MCPH1: variants seen among roughly 807,000 people sequenced by gnomAD.
MCPH1 encodes microcephalin.
Under a neutral mutation model 84.5 loss-of-function variants are expected in MCPH1, and 104 were observed. The observed-to-expected ratio is 1.23, with a 90% CI of 1.05 to 1.45. The LOEUF (loss-of-function observed/expected upper bound fraction) is 1.45. MCPH1 is among the 40% of genes most tolerant of loss of function. The pLI is 0.00. For missense variants in MCPH1, 1,498 were observed against 1,005.7 expected (o/e 1.49, Z -6.62); for synonymous variants, 514 against 366.8 (o/e 1.40, Z -4.58).
At chr8:6,592,980 C>G (rs1467067002) in intron 12 of MCPH1, among the ~76,000 whole-genome samples, 1 of 151,362 alleles carries the variant, frequency 6.6e-6, no homozygotes, top group East Asian at 1.9e-4. Flanking sequence ...TCTTGTTTTT[C>G]TCTTCCCCCT....
intron 13 of MCPH1, among the ~76,000 whole-genome samples, chr8:6,638,337 A>G (rs1204821939): frequency 6.6e-6 from 1 of 152,120 alleles, no homozygotes; most frequent in Admixed American, 6.5e-5. Flanking sequence ...AGCAAAGATG[A>G]AGCTCACATG....
intron 9 of MCPH1, among the ~76,000 whole-genome samples, chr8:6,455,464 A>G (rs936396427): frequency 6.6e-6 from 1 of 152,220 alleles, no homozygotes; most frequent in African/African-American, 2.4e-5. Flanking sequence ...AAGCTTTCTC[A>G]TATCACTTTG....
intron 4 of MCPH1, among the ~76,000 whole-genome samples, chr8:6,433,552 G>C (rs945726621): frequency 7.1e-6 from 1 of 140,664 alleles, no homozygotes; most frequent in Non-Finnish European, 1.5e-5. Flanking sequence ...AGAATTGCTT[G>C]AACCCAGGAG....
intron 13 of MCPH1, among the ~76,000 whole-genome samples, chr8:6,633,914 A>G (rs924393232): frequency 5.3e-5 from 8 of 152,272 alleles, no homozygotes; most frequent in African/African-American, 1.7e-4. Context: ...ATGTTTATCA[A>G]TAGCACAAAC....
chr8:6,523,720 G>GT (rs1410834615), intron 12 of MCPH1, among the ~76,000 whole-genome samples: 2 of 152,230 alleles, frequency 1.3e-5, no homozygotes, highest in East Asian at 3.9e-4. Flanking sequence ...CTCCTGAGTA[G>GT]TTAGGATTAC....
At chr8:6,519,820 C>T (rs751765666) in intron 12 of MCPH1, 1 of 1,603,960 alleles carries the variant, frequency 6.2e-7, no homozygotes, top group African/African-American at 1.3e-5. Flanking sequence ...CTAAAGTGGC[C>T]TGCCTAGAGC....
intron 6 of MCPH1, among the ~76,000 whole-genome samples, chr8:6,441,114 G>A (rs1276692984): frequency 6.6e-6 from 1 of 152,200 alleles, no homozygotes; most frequent in Non-Finnish European, 1.5e-5. Flanking sequence ...TTGCAAGCAA[G>A]ACTGAAATGT....
At chr8:6,589,996 C>T (rs561051008) in intron 12 of MCPH1, among the ~76,000 whole-genome samples, 2 of 152,240 alleles carry the variant, frequency 1.3e-5, no homozygotes, top group East Asian at 3.9e-4. Flanking sequence ...GGCACTGTCC[C>T]CGAAACGATC....
At chr8:6,569,822 A>G (rs80143198) in intron 12 of MCPH1, among the ~76,000 whole-genome samples, 7,393 of 152,302 alleles carry the variant, frequency 0.049, 259 homozygotes, top group East Asian at 0.12. Flanking sequence ...ACAAACACAC[A>G]TCCCGAGTGA....
intron 12 of MCPH1, among the ~76,000 whole-genome samples, chr8:6,524,008 T>C (rs975143465): frequency 2.0e-5 from 3 of 152,178 alleles, no homozygotes; most frequent in African/African-American, 7.2e-5. Flanking sequence ...TAAAGATGTT[T>C]CAATATCTTC....
intron 10 of MCPH1, among the ~76,000 whole-genome samples, chr8:6,478,474 A>C (rs1295971194): frequency 6.6e-6 from 1 of 152,236 alleles, no homozygotes; most frequent in African/African-American, 2.4e-5. Context: ...ATAAAAGAAA[A>C]ATTACTAGTT....
chr8:6,628,349 T>C (rs1034552935), intron 13 of MCPH1, among the ~76,000 whole-genome samples: 1 of 151,222 alleles, frequency 6.6e-6, no homozygotes, highest in Admixed American at 6.6e-5. Context: ...CAGGTGCCTG[T>C]AGTCCCAGCT....
intron 12 of MCPH1, among the ~76,000 whole-genome samples, chr8:6,569,959 C>T (rs1216524555): frequency 3.3e-5 from 5 of 152,226 alleles, no homozygotes; most frequent in African/African-American, 1.2e-4. Flanking sequence ...CGGGACCATC[C>T]TATTACAAGT....
chr8:6,648,230 G>A lies in MCPH1; in HGVS notation c.*5181G>A, dbSNP rs1054034980. ...AGTTGGCCGATACTGCCTGTGACCT[G>A]CAATGTGGTCTAAGCTGTCAGACCT... On this transcript the variant is annotated 3_prime_UTR_variant, in exon 14 of 14. Transcript: ENST00000344683. The A allele has an allele frequency of 2.6e-5, 4 of 152,240 alleles. No individual in the cohort carries two copies. Among genetic ancestry groups the A allele is most frequent in the South Asian group, 2.1e-4 (1 of 4,810 alleles). The allele number at this position is 152,240 out of a possible 1,614,324, so 9.4% of individuals were successfully genotyped here. A position where few individuals can be genotyped will look rare whatever the true frequency, so the allele number is the denominator to read the frequency against.
chr8:6,436,911 A>G (rs973114288), intron 5 of MCPH1, among the ~76,000 whole-genome samples: 3 of 152,084 alleles, frequency 2.0e-5, no homozygotes, highest in Admixed American at 6.5e-5. Flanking sequence ...CAGAGCTTGC[A>G]GTGAGCCGAG....
At position 6,456,148 on chromosome 8, in the gene MCPH1, G is replaced by C. The variant is rs80026063; in HGVS notation, c.1935+896G>C. Among the ~76,000 whole-genome samples the C allele has an allele frequency of 3.1e-3, 475 of 152,210 alleles. 4 individuals carry two copies. Among genetic ancestry groups the C allele is most frequent in the African/African-American group, 0.011 (453 of 41,514 alleles). ...TAGATTTCTTTACTGATGCTTTCTG[G>C]TTTGTCTCGGAAAAAAAAGTGGAGC... On this transcript the variant is annotated intron_variant, in intron 9 of 13. Coordinates refer to ENST00000344683, the MANE Select transcript of MCPH1 (RefSeq NM_024596.5).
chr8:6,469,261 T>A (rs1807404888), intron 9 of MCPH1, among the ~76,000 whole-genome samples: 1 of 152,196 alleles, frequency 6.6e-6, no homozygotes, highest in Non-Finnish European at 1.5e-5. Flanking sequence ...ATGTATAAAA[T>A]TAAAAATGGG....
Position 6,505,348 on chromosome 8 carries a change from ATTCTTTC to A in MCPH1, c.2214+5421_2214+5427del, listed in dbSNP as rs1375509547. 1.6e-4 allele frequency among the ~76,000 whole-genome samples: 8 copies of A among 50,184 alleles called. 2 individuals are homozygous for A. 32.9% of individuals were successfully genotyped at this position (50,184 alleles called of 152,430 possible). ...ATATACATATAGAAAGAATATATAT[ATTCTTTC>A]TATATGTATATAGAATATATATATT... On this transcript the variant is annotated intron_variant, in intron 12 of 13. Transcript: ENST00000344683.
At chr8:6,467,418 A>G (rs1807119965) in intron 9 of MCPH1, among the ~76,000 whole-genome samples, 1 of 152,222 alleles carries the variant, frequency 6.6e-6, no homozygotes, top group Non-Finnish European at 1.5e-5. Flanking sequence ...TCTCATCATT[A>G]AAAGCAGTAC....
Sources: gnomAD v4.1 joint callset for allele counts (sites outside exome capture counted in the v4.1 genomes callset) on GRCh38, gnomAD v4.1.1 for gene constraint, MANE v1.5 for transcripts, NCBI Gene and HGNC (gene_info 2026-07-23, HGNC 2026-07-21) for gene names.